The following TERF2 variants were observed in gnomAD, a reference collection of about 807,000 sequenced individuals.
The protein encoded by TERF2 is telomeric repeat binding factor 2.
TERF2 carries 16 observed loss-of-function variants against 56.1 expected under a neutral mutation model. The observed-to-expected ratio is 0.29, with a 90% CI of 0.19 to 0.43. TERF2 has a LOEUF of 0.43. Among genes scored for constraint, TERF2 ranks in the 20% least tolerant of loss-of-function variants. The probability of loss-of-function intolerance (pLI) is 1.00; values close to 1 mark genes in which losing one functional copy is unlikely to be tolerated. For missense variants in TERF2, 547 were observed against 712.9 expected (o/e 0.77, Z 2.65); for synonymous variants, 296 against 282.1 (o/e 1.05, Z -0.50).
At chr16:69,374,761 T>C (rs540707643) in intron 3 of TERF2, among the ~76,000 whole-genome samples, 1 of 142,436 alleles carries the variant, frequency 7.0e-6, no homozygotes, top group African/African-American at 2.6e-5. Flanking sequence ...AGGTCAGGAG[T>C]TCAAGACCAG....
At chr16:69,373,788 G>A (rs2013663442) in intron 3 of TERF2, among the ~76,000 whole-genome samples, 1 of 152,190 alleles carries the variant, frequency 6.6e-6, no homozygotes, top group South Asian at 2.1e-4. Flanking sequence ...AGCAGTGACT[G>A]TACCACTGCA....
At chr16:69,375,658 C>G (rs2013751782) in intron 3 of TERF2, among the ~76,000 whole-genome samples, 1 of 151,878 alleles carries the variant, frequency 6.6e-6, no homozygotes, top group Non-Finnish European at 1.5e-5. Flanking sequence ...TCTATATCAC[C>G]CAGGCTGAAC....
At chr16:69,357,252 C>A (rs1480296642) in intron 9 of TERF2, among the ~76,000 whole-genome samples, 196 bp from the exon 10 acceptor site, 1 of 152,184 alleles carries the variant, frequency 6.6e-6, no homozygotes, top group Admixed American at 6.6e-5. Context: ...TGATGTCCTG[C>A]CATTTGATCC....
Position 69,357,065 on chromosome 16 carries a change from G to A in TERF2, c.1471-9C>T. 1 of 1,600,680 alleles carries A rather than the reference G, an allele frequency of 6.2e-7. No individual in the cohort carries two copies. The highest frequency in any genetic ancestry group is 1.1e-5 in the South Asian group (1 of 88,552). ...TCTTCTACAGTCCACTTCTGCAAAA[G>A]AAAACCAAAAGATTTATTACCACCT... On this transcript the variant is annotated splice_polypyrimidine_tract_variant and intron_variant, in intron 9 of 9. Coordinates refer to ENST00000254942, the MANE Select transcript of TERF2 (RefSeq NM_005652.5).
intron 7 of TERF2, among the ~76,000 whole-genome samples, chr16:69,364,565 C>T (rs1408403346): frequency 6.6e-6 from 1 of 151,880 alleles, no homozygotes; most frequent in African/African-American, 2.4e-5. Context: ...CCTACCTTCA[C>T]TCTTTCCTAT....
chr16:69,381,265 T>C (rs2013990517), intron 3 of TERF2, among the ~76,000 whole-genome samples: 1 of 152,212 alleles, frequency 6.6e-6, no homozygotes, highest in Non-Finnish European at 1.5e-5. Flanking sequence ...TCACTTGTTT[T>C]ATGTGACAGG....
chr16:69,366,918 C>A lies in TERF2; in HGVS notation c.1229G>T (p.Ser410Ile). The change falls in exon 7 of 10, where the codon AGC (serine) becomes ATC (isoleucine). Residue 410 changes from serine to isoleucine, a missense_variant. Physicochemically the swap from Ser to Ile is moderately radical, Grantham distance 142. Around this residue, in one of 6 missense-constraint regions of TERF2, gnomAD observed 211 missense variants for 236.8 expected, o/e 0.89. Coordinates refer to ENST00000254942, the MANE Select transcript of TERF2 (RefSeq NM_005652.5). ...TISRLVLEED[S>I]QSTEPSAGLN... is the part of the protein sequence containing the mutation. ...GCCTGCGCTGGGCTCAGTACTCTGG[C>A]TGTCCTCCTCCAAGACCAATCTGCT... The A allele has an allele frequency of 6.2e-7, 1 of 1,614,226 alleles. No homozygotes were observed. The highest frequency in any genetic ancestry group is 8.5e-7 in the Non-Finnish European group (1 of 1,180,040).
At chr16:69,369,650 C>T (rs924065736) in intron 5 of TERF2, among the ~76,000 whole-genome samples, 1 of 152,216 alleles carries the variant, frequency 6.6e-6, no homozygotes, top group Non-Finnish European at 1.5e-5. Flanking sequence ...AGTGTTCCTT[C>T]ACCACAGTCT....
chr16:69,368,348 C>T, intron 6 of TERF2, 28 bp downstream of exon 6: 1 of 1,608,672 alleles, frequency 6.2e-7, no homozygotes, highest in Non-Finnish European at 8.5e-7. Context: ...AGTGTTTTAC[C>T]CAAGATCACA....
At chr16:69,360,697 C>A (rs2013103781) in intron 8 of TERF2, among the ~76,000 whole-genome samples, 1 of 137,654 alleles carries the variant, frequency 7.3e-6, no homozygotes, top group Admixed American at 7.2e-5. Context: ...GAGAGTGAGA[C>A]CCTGTCTCAA....
At chr16:69,370,406 T>C in intron 5 of TERF2, 77 bp downstream of exon 5, 1 of 1,550,044 alleles carries the variant, frequency 6.5e-7, no homozygotes, top group East Asian at 2.3e-5. Context: ...ACATCAACTC[T>C]TTTCACTTCA....
intron 3 of TERF2, among the ~76,000 whole-genome samples, chr16:69,381,211 T>G (rs887606955): frequency 3.3e-5 from 5 of 152,210 alleles, no homozygotes; most frequent in African/African-American, 1.2e-4. Flanking sequence ...AAAATTCTGT[T>G]TTTCACTAGA....
At chr16:69,371,759 G>A (rs1342383068) in intron 4 of TERF2, among the ~76,000 whole-genome samples, 6 of 152,040 alleles carry the variant, frequency 3.9e-5, no homozygotes, top group Admixed American at 2.0e-4. Context: ...AGGCTGCAGT[G>A]AACTATGACT....
intron 8 of TERF2, among the ~76,000 whole-genome samples, chr16:69,358,721 A>G (rs2142702707): frequency 6.6e-6 from 1 of 151,644 alleles, no homozygotes; most frequent in African/African-American, 2.4e-5. Flanking sequence ...CCCCATGTCT[A>G]ACAACATGGC....
intron 4 of TERF2, 124 bp downstream of exon 4, chr16:69,372,145 A>T: frequency 1.7e-6 from 1 of 590,180 alleles, no homozygotes; most frequent in Non-Finnish European, 3.0e-6. Context: ...AACTTGCTGC[A>T]GGTGTTACAT....
intron 3 of TERF2, among the ~76,000 whole-genome samples, chr16:69,377,370 C>T (rs1351713005): frequency 6.6e-6 from 1 of 151,876 alleles, no homozygotes; most frequent in Non-Finnish European, 1.5e-5. Flanking sequence ...GCTCTGTCAC[C>T]AGACTGGAGT....
intron 9 of TERF2, 129 bp from the exon 10 acceptor site, chr16:69,357,185 T>A: frequency 9.1e-7 from 1 of 1,102,650 alleles, no homozygotes; most frequent in Non-Finnish European, 1.3e-6. Flanking sequence ...ACAGCTTATG[T>A]TTTTAAACAT....
intron 5 of TERF2, chr16:69,368,727 A>G (rs1032101160): frequency 3.1e-5 from 27 of 865,190 alleles, no homozygotes; most frequent in Non-Finnish European, 4.5e-5. Context: ...CCCAGGCTGC[A>G]GCACAGTGGT....
chr16:69,373,792 C>T (rs2013663533), intron 3 of TERF2, among the ~76,000 whole-genome samples: 1 of 152,156 alleles, frequency 6.6e-6, no homozygotes, highest in Non-Finnish European at 1.5e-5. Context: ...GTGACTGTAC[C>T]ACTGCACTCC....
Sources: allele counts gnomAD v4.1 joint callset (sites outside exome capture counted in the v4.1 genomes callset), GRCh38; gene constraint gnomAD v4.1.1; regional missense constraint gnomAD v4.1.1; transcripts MANE v1.5; gene names NCBI Gene and HGNC (gene_info 2026-07-23, HGNC 2026-07-21).